The following PDE10A variants were observed in gnomAD, a reference collection of about 807,000 sequenced individuals.
PDE10A encodes the protein cAMP and cAMP-inhibited cGMP 3',5'-cyclic phosphodiesterase 10A.
PDE10A carries 39 observed loss-of-function variants against 97.7 expected under a neutral mutation model. That is an observed-to-expected ratio of 0.40 (90% CI 0.31 to 0.52). The LOEUF (loss-of-function observed/expected upper bound fraction) is 0.52. Ranked by LOEUF, PDE10A falls within the 20% of genes least tolerant of loss-of-function variation. PDE10A has a pLI of 0.56. For synonymous variants in PDE10A, 371 were observed against 376.8 expected (o/e 0.98, Z 0.18); for missense variants, 731 against 1,047.8 (o/e 0.70, Z 4.17).
At position 165,559,161 on chromosome 6, in the gene PDE10A, T is replaced by C. The variant is rs116576194; in HGVS notation, c.866-15593A>G. ...TTATGCTAGAACATGATTAAAAATATAAAAGGTGGTGAAGGATTCATGGAA... is the reference window on the plus strand; with the variant it reads ...TTATGCTAGAACATGATTAAAAATACAAAAGGTGGTGAAGGATTCATGGAA... On this transcript the variant is annotated intron_variant, in intron 1 of 21. Coordinates refer to ENST00000539869, the MANE Select transcript of PDE10A (RefSeq NM_001385079.1). Among the ~76,000 whole-genome samples, 1,081 of 152,274 alleles carry C rather than the reference T, an allele frequency of 7.1e-3. 11 individuals carry two copies. The highest frequency in any genetic ancestry group is 0.024 in the African/African-American group (981 of 41,564).
intron 18 of PDE10A, among the ~76,000 whole-genome samples, chr6:165,374,294 CTAT>C (rs1409143955): frequency 6.6e-6 from 1 of 151,746 alleles, no homozygotes; most frequent in Admixed American, 6.6e-5. Context: ...TTATTTGTTA[CTAT>C]GAGACTTGAT....
At chr6:165,431,897 G>A (rs1045893029) in intron 7 of PDE10A, among the ~76,000 whole-genome samples, 1 of 151,698 alleles carries the variant, frequency 6.6e-6, no homozygotes, top group Non-Finnish European at 1.5e-5. Flanking sequence ...ACTACTTTTC[G>A]GTTTAACAAA....
chr6:165,669,738 G>A (rs34719046), intron 1 of PDE10A, among the ~76,000 whole-genome samples: 42,271 of 152,022 alleles, frequency 0.28, 7,385 homozygotes, highest in Non-Finnish European at 0.4. Flanking sequence ...ATCTCTACCC[G>A]GGAATATTGT....
chr6:165,459,522 T>TAGATAGAC (rs1218763848), intron 3 of PDE10A, among the ~76,000 whole-genome samples: 338 of 106,170 alleles, frequency 3.2e-3, no homozygotes, highest in Non-Finnish European at 5.2e-3. Flanking sequence ...GATAGATAGA[T>TAGATAGAC]AGACAGACAG....
At chr6:165,431,635 T>TACAC (rs60779977) in intron 7 of PDE10A, among the ~76,000 whole-genome samples, 163 bp from the exon 8 acceptor site, 2 of 135,170 alleles carry the variant, frequency 1.5e-5, no homozygotes, top group African/African-American at 2.6e-5. Context: ...TATATATATA[T>TACAC]ACACACACAC....
At chr6:165,370,376 G>A (rs1317214312) in intron 18 of PDE10A, among the ~76,000 whole-genome samples, 1 of 148,138 alleles carries the variant, frequency 6.8e-6, no homozygotes, top group African/African-American at 2.5e-5. Context: ...ATAAAAGGAT[G>A]GAGGAAGATC....
intron 1 of PDE10A, among the ~76,000 whole-genome samples, chr6:165,902,226 G>T (rs372994071): frequency 6.6e-6 from 1 of 152,168 alleles, no homozygotes; most frequent in African/African-American, 2.4e-5. Flanking sequence ...CTGACTGCAC[G>T]TCCACTCCTC....
At chr6:165,770,475 T>G (rs991019547) in intron 1 of PDE10A, among the ~76,000 whole-genome samples, 9 of 152,334 alleles carry the variant, frequency 5.9e-5, no homozygotes, top group Middle Eastern at 3.4e-3. Flanking sequence ...GTTCCCTATA[T>G]ACAGTCTTTT....
chr6:165,404,133 G>T (rs1786910172), intron 13 of PDE10A, among the ~76,000 whole-genome samples: 1 of 152,134 alleles, frequency 6.6e-6, no homozygotes, highest in African/African-American at 2.4e-5. Context: ...ACACCGATAT[G>T]ATTACCACAG....
At chr6:165,707,230 G>A (rs761412936) in intron 1 of PDE10A, among the ~76,000 whole-genome samples, 2 of 152,152 alleles carry the variant, frequency 1.3e-5, no homozygotes, top group Non-Finnish European at 2.9e-5. Flanking sequence ...CAGCTGCTGC[G>A]GCTCCCCCAG....
At position 165,751,119 on chromosome 6, in the gene PDE10A, C is replaced by T. The variant is rs533043147; in HGVS notation, c.-614-207551G>A. ...CCTCAGTGGGTGCCGTCTTCACCTGCGGGTGCATTAGACGCTCACTGACGT... is the reference window on the plus strand; with the variant it reads ...CCTCAGTGGGTGCCGTCTTCACCTGTGGGTGCATTAGACGCTCACTGACGT... On this transcript the variant is annotated intron_variant, in intron 1 of 19. Coordinates refer to the PDE10A transcript ENST00000366882. Among the ~76,000 whole-genome samples, 9 of 152,268 alleles carry T rather than the reference C, an allele frequency of 5.9e-5. No homozygotes were observed. In the East Asian group the frequency reaches 7.7e-4, roughly 13 times the overall value.
intron 1 of PDE10A, among the ~76,000 whole-genome samples, chr6:165,976,812 C>T (rs1321974170): frequency 1.3e-5 from 2 of 152,216 alleles, no homozygotes; most frequent in African/African-American, 2.4e-5. Context: ...GCTCTGCAGT[C>T]CCCACCAGCC....
At chr6:165,412,273 CA>C (rs1787920822) in intron 13 of PDE10A, among the ~76,000 whole-genome samples, 1 of 151,948 alleles carries the variant, frequency 6.6e-6, no homozygotes, top group Admixed American at 6.6e-5. Flanking sequence ...AACATAATGC[CA>C]AATTTTCCCA....
At chr6:165,816,435 G>C (rs765844084) in intron 1 of PDE10A, among the ~76,000 whole-genome samples, 1 of 152,200 alleles carries the variant, frequency 6.6e-6, no homozygotes, top group Non-Finnish European at 1.5e-5. Context: ...CCTGATGTCT[G>C]TTGAGAGAAA....
chr6:165,800,841 G>C (rs908476577), intron 1 of PDE10A, among the ~76,000 whole-genome samples: 2 of 152,300 alleles, frequency 1.3e-5, no homozygotes, highest in Non-Finnish European at 2.9e-5. Flanking sequence ...AGAGGGCAGC[G>C]TCCAGCCAGA....
chr6:165,507,974 A>AT (rs1781297086), intron 2 of PDE10A, among the ~76,000 whole-genome samples: 1 of 152,154 alleles, frequency 6.6e-6, no homozygotes, highest in African/African-American at 2.4e-5. Flanking sequence ...TTATGTAGAT[A>AT]TATTTCAAGG....
chr6:165,885,229 A>G (rs1262102167), intron 1 of PDE10A, among the ~76,000 whole-genome samples: 3 of 152,150 alleles, frequency 2.0e-5, no homozygotes, highest in Non-Finnish European at 4.4e-5. Context: ...AGACTGGGTA[A>G]TTTATAAAGA....
intron 1 of PDE10A, among the ~76,000 whole-genome samples, chr6:165,638,471 T>C (rs780636667): frequency 2.6e-5 from 4 of 151,814 alleles, no homozygotes; most frequent in Non-Finnish European, 5.9e-5. Context: ...CTTATACCAA[T>C]TCTTGCCATT....
At chr6:165,347,981 A>T (rs150920641) in intron 18 of PDE10A, among the ~76,000 whole-genome samples, 1,570 of 152,310 alleles carry the variant, frequency 0.01, 22 homozygotes, top group African/African-American at 0.036. Context: ...AAGAATTGTT[A>T]AAGTGTTTAA....
Sources: gnomAD v4.1 joint callset for allele counts (sites outside exome capture counted in the v4.1 genomes callset) on GRCh38, gnomAD v4.1.1 for gene constraint, MANE v1.5 for transcripts, NCBI Gene and HGNC (gene_info 2026-07-23, HGNC 2026-07-21) for gene names.